CNTNAP2: variants seen among roughly 807,000 people sequenced by gnomAD.
CNTNAP2 encodes the protein contactin associated protein 2, also known as contactin-associated protein-like 2.
Under a neutral mutation model 155.2 loss-of-function variants are expected in CNTNAP2, and 98 were observed. The observed-to-expected ratio is 0.63, with a 90% confidence interval of 0.54 to 0.75. The LOEUF is 0.75. CNTNAP2 is among the 30% of genes least tolerant of loss of function. The probability of loss-of-function intolerance (pLI) is 0.00; values close to 1 mark genes in which losing one functional copy is unlikely to be tolerated. For synonymous variants in CNTNAP2, 651 were observed against 631.2 expected (o/e 1.03, Z -0.47); for missense variants, 1,727 against 1,688.1 (o/e 1.02, Z -0.40).
intron 13 of CNTNAP2, among the ~76,000 whole-genome samples, chr7:147,809,596 T>G (rs142165804): frequency 6.6e-6 from 1 of 152,348 alleles, no homozygotes; most frequent in African/African-American, 2.4e-5. Flanking sequence ...GCTGTTTGTC[T>G]TCCACCTTCT....
chr7:147,566,310 G>A (rs1800169096), intron 12 of CNTNAP2, among the ~76,000 whole-genome samples: 1 of 122,848 alleles, frequency 8.1e-6, no homozygotes, highest in Admixed American at 9.0e-5. Context: ...AGGAGGAGGA[G>A]TAAGAGGAGG....
intron 1 of CNTNAP2, among the ~76,000 whole-genome samples, chr7:146,645,713 A>G (rs1799800143): frequency 6.6e-6 from 1 of 152,112 alleles, no homozygotes; most frequent in South Asian, 2.1e-4. Context: ...TAGTGTATCC[A>G]CAGAGTTATA....
intron 3 of CNTNAP2, among the ~76,000 whole-genome samples, chr7:146,862,338 C>T (rs1795118464): frequency 6.6e-6 from 1 of 151,686 alleles, no homozygotes; most frequent in Admixed American, 6.6e-5. Context: ...TTAATGACAA[C>T]AAAAACGAAA....
At chr7:146,420,114 A>G (rs1330843646) in intron 1 of CNTNAP2, among the ~76,000 whole-genome samples, 1 of 152,108 alleles carries the variant, frequency 6.6e-6, no homozygotes, top group East Asian at 1.9e-4. Context: ...GCCCAGAGGC[A>G]TCTGAGAAAT....
chr7:146,961,800 G>A (rs896529970), intron 3 of CNTNAP2, among the ~76,000 whole-genome samples: 1 of 152,144 alleles, frequency 6.6e-6, no homozygotes, highest in African/African-American at 2.4e-5. Context: ...GGAAGTTGCA[G>A]CATGATCTCA....
In CNTNAP2 at chr7:146,621,942, T is replaced by C. The variant is rs553658386; in HGVS notation, c.98-152329T>C. On this transcript the variant is annotated intron_variant, in intron 1 of 23. Coordinates refer to ENST00000361727, the MANE Select transcript of CNTNAP2 (RefSeq NM_014141.6). ...TTATTATGGACACATGAAATTTGAT[T>C]TTATCATAATTTGGATTATATTCTA... Among the ~76,000 whole-genome samples, 10 of 152,252 alleles carry C rather than the reference T, an allele frequency of 6.6e-5. No homozygotes were observed. In the South Asian group the frequency reaches 1.9e-3, roughly 28 times the overall value.
At chr7:148,074,042 T>A (rs1015966050) in intron 15 of CNTNAP2, among the ~76,000 whole-genome samples, 1 of 152,160 alleles carries the variant, frequency 6.6e-6, no homozygotes, top group Non-Finnish European at 1.5e-5. Flanking sequence ...GTTTCAGACA[T>A]TCACTGGGGC....
intron 3 of CNTNAP2, among the ~76,000 whole-genome samples, chr7:146,942,698 TAAATG>T (rs1797079946): frequency 6.6e-6 from 1 of 152,134 alleles, no homozygotes; most frequent in Non-Finnish European, 1.5e-5. Context: ...AGAAGAATAA[TAAATG>T]AAATACCACA....
rs940631347 is a variant in CNTNAP2 at position 147,356,205 on chromosome 7, T to C, written c.1499-39404T>C. Among the ~76,000 whole-genome samples the C allele has an allele frequency of 3.3e-5, 5 of 152,302 alleles. No homozygotes were observed. The East Asian group carries it at 7.7e-4, about 24-fold the overall frequency. The stretch of plus-strand genomic sequence containing the variant: ...AAAACTACATGATTATCTTAATAGA[T>C]GCAGAAAAGGCCTTTGATAAAATTC... On this transcript the variant is annotated intron_variant, in intron 9 of 23. Transcript: ENST00000361727.
intron 10 of CNTNAP2, among the ~76,000 whole-genome samples, chr7:147,441,984 C>T (rs1218866911): frequency 1.3e-5 from 2 of 151,832 alleles, no homozygotes; most frequent in Non-Finnish European, 2.9e-5. Context: ...GCACTGGGTC[C>T]TACGCAGCAT....
intron 1 of CNTNAP2, among the ~76,000 whole-genome samples, chr7:146,304,599 C>A (rs970139053): frequency 6.6e-6 from 1 of 152,050 alleles, no homozygotes; most frequent in South Asian, 2.1e-4. Flanking sequence ...ATATTGGCCC[C>A]CACTCTCTGC....
chr7:146,817,466 C>G (rs1803195733), intron 2 of CNTNAP2, among the ~76,000 whole-genome samples: 1 of 143,364 alleles, frequency 7.0e-6, no homozygotes, highest in South Asian at 2.1e-4. Context: ...GAGCGAAACT[C>G]CATCAAAAAA....
intron 15 of CNTNAP2, among the ~76,000 whole-genome samples, chr7:148,027,991 C>T (rs1187882030): frequency 6.6e-6 from 1 of 152,128 alleles, no homozygotes; most frequent in Non-Finnish European, 1.5e-5. Flanking sequence ...CAAATCGAGG[C>T]ATGTAGAGCC....
chr7:147,104,036 AC>A (rs1468811341), intron 4 of CNTNAP2, among the ~76,000 whole-genome samples: 1 of 152,104 alleles, frequency 6.6e-6, no homozygotes, highest in East Asian at 1.9e-4. Context: ...TATTAGTGAA[AC>A]CCTGGTGAAG....
intron 14 of CNTNAP2, among the ~76,000 whole-genome samples, chr7:147,915,939 G>A (rs973671501): frequency 1.3e-5 from 2 of 152,092 alleles, no homozygotes; most frequent in African/African-American, 4.8e-5. Flanking sequence ...TGCTGAAGTT[G>A]CCTCTTAACA....
chr7:146,711,451 T>C lies in CNTNAP2; in HGVS notation c.98-62820T>C, dbSNP rs1008768662. On this transcript the variant is annotated intron_variant, in intron 1 of 23. Transcript: ENST00000361727. ...TATACTATATAGGTATATATGTTCA[T>C]ATTTATAATATATATGAACATATTT... Among the ~76,000 whole-genome samples, 4 of 148,056 alleles carry C rather than the reference T, an allele frequency of 2.7e-5. No individual in the cohort carries two copies. The South Asian group carries it at 8.4e-4, about 31-fold the overall frequency.
intron 10 of CNTNAP2, among the ~76,000 whole-genome samples, chr7:147,400,005 A>G (rs536240572): frequency 1.3e-5 from 2 of 152,128 alleles, no homozygotes; most frequent in East Asian, 3.9e-4. Flanking sequence ...TTCTTCTTGC[A>G]TTGTTACTCT....
intron 15 of CNTNAP2, among the ~76,000 whole-genome samples, chr7:148,033,616 T>C (rs1177475939): frequency 1.3e-5 from 2 of 152,230 alleles, no homozygotes; most frequent in Non-Finnish European, 2.9e-5. Flanking sequence ...AGATGTCTAT[T>C]GCTTGGAATG....
intron 8 of CNTNAP2, among the ~76,000 whole-genome samples, chr7:147,262,511 G>A (rs1382246815): frequency 2.0e-5 from 3 of 152,070 alleles, no homozygotes; most frequent in Non-Finnish European, 4.4e-5. Context: ...ATGAAAGGAC[G>A]CAGGGAGGCC....
Sources: allele counts gnomAD v4.1 joint callset (sites outside exome capture counted in the v4.1 genomes callset), GRCh38; gene constraint gnomAD v4.1.1; transcripts MANE v1.5; gene names NCBI Gene and HGNC (gene_info 2026-07-23, HGNC 2026-07-21).